GABRB1: variants seen among roughly 807,000 people sequenced by gnomAD.
GABRB1 encodes gamma-aminobutyric acid receptor subunit beta-1.
Under a neutral mutation model 51.6 loss-of-function variants are expected in GABRB1, and 17 were observed. That is an observed-to-expected ratio of 0.33 (90% CI 0.23 to 0.49). The LOEUF (loss-of-function observed/expected upper bound fraction) is 0.49, where lower values mean the gene tolerates loss of function less well. Ranked by LOEUF, GABRB1 falls within the 20% of genes least tolerant of loss-of-function variation. GABRB1 has a pLI of 0.99. For missense variants in GABRB1, 410 were observed against 600.6 expected (o/e 0.68, Z 3.32); for synonymous variants, 247 against 218.9 (o/e 1.13, Z -1.14).
chr4:47,026,148 G>A (rs1725084793), intron 1 of GABRB1, among the ~76,000 whole-genome samples: 2 of 151,798 alleles, frequency 1.3e-5, no homozygotes, highest in African/African-American at 4.8e-5. Context: ...AGACCTTAGT[G>A]TAAAAATAAA....
At chr4:47,346,268 G>A (rs561760599) in intron 5 of GABRB1, among the ~76,000 whole-genome samples, 3 of 152,078 alleles carry the variant, frequency 2.0e-5, no homozygotes, top group African/African-American at 7.2e-5. Flanking sequence ...AGATGAATAG[G>A]AGTTAATGAA....
chr4:47,170,414 C>T (rs1224052645), intron 4 of GABRB1, among the ~76,000 whole-genome samples: 3 of 151,726 alleles, frequency 2.0e-5, no homozygotes, highest in Non-Finnish European at 4.4e-5. Context: ...CACACACACA[C>T]ACACGCACAC....
At chr4:47,262,563 T>A (rs7670490) in intron 4 of GABRB1, among the ~76,000 whole-genome samples, 1 of 151,884 alleles carries the variant, frequency 6.6e-6, no homozygotes, top group South Asian at 2.1e-4. Context: ...GGAGAGGATG[T>A]GGAGAAATAG....
At chr4:47,307,877 A>G (rs1156320919) in intron 4 of GABRB1, among the ~76,000 whole-genome samples, 2 of 151,992 alleles carry the variant, frequency 1.3e-5, no homozygotes, top group African/African-American at 4.8e-5. Context: ...TTAAATCACA[A>G]AAGTACCATT....
intron 3 of GABRB1, among the ~76,000 whole-genome samples, chr4:47,055,726 C>A (rs1726566233): frequency 6.6e-6 from 1 of 152,252 alleles, no homozygotes; most frequent in African/African-American, 2.4e-5. Context: ...AGTTGTCCTT[C>A]CACTTCTACT....
intron 4 of GABRB1, among the ~76,000 whole-genome samples, chr4:47,316,000 T>C (rs1174944944): frequency 6.6e-6 from 1 of 151,232 alleles, no homozygotes; most frequent in Non-Finnish European, 1.5e-5. Context: ...GCAATTTACC[T>C]GTATAACAAA....
At chr4:47,063,431 T>A (rs1726928195) in intron 3 of GABRB1, among the ~76,000 whole-genome samples, 1 of 152,190 alleles carries the variant, frequency 6.6e-6, no homozygotes, top group African/African-American at 2.4e-5. Context: ...GCACAATGGA[T>A]GGTAGCTGTG....
intron 3 of GABRB1, among the ~76,000 whole-genome samples, chr4:47,151,670 A>G (rs1717463337): frequency 6.6e-6 from 1 of 152,046 alleles, no homozygotes; most frequent in South Asian, 2.1e-4. Flanking sequence ...ATTGAGAAAA[A>G]TGGAAACACT....
chr4:47,258,854 C>A (rs573922359), intron 4 of GABRB1, among the ~76,000 whole-genome samples: 1 of 152,192 alleles, frequency 6.6e-6, no homozygotes, highest in South Asian at 2.1e-4. Flanking sequence ...AAATTTAGAA[C>A]TCTTATCTTT....
chr4:47,238,136 A>G (rs1289248927), intron 4 of GABRB1, among the ~76,000 whole-genome samples: 2 of 152,064 alleles, frequency 1.3e-5, no homozygotes, highest in Non-Finnish European at 2.9e-5. Context: ...ATTACAGGCA[A>G]ATGGATATGC....
intron 4 of GABRB1, among the ~76,000 whole-genome samples, chr4:47,269,292 C>T (rs1360754441): frequency 2.0e-5 from 3 of 152,180 alleles, no homozygotes; most frequent in Non-Finnish European, 4.4e-5. Flanking sequence ...CCCATTGAAA[C>T]AGCACTTTTC....
intron 5 of GABRB1, among the ~76,000 whole-genome samples, chr4:47,326,357 CAAG>C (rs1725263630): frequency 6.6e-6 from 1 of 152,110 alleles, no homozygotes; most frequent in Admixed American, 6.5e-5. Context: ...TCTCACATTA[CAAG>C]AAGAAGGGTG....
upstream of GABRB1, among the ~76,000 whole-genome samples, chr4:47,028,460 A>G (rs918894460): frequency 6.6e-6 from 1 of 151,830 alleles, no homozygotes; most frequent in Non-Finnish European, 1.5e-5. Flanking sequence ...TATTTATTAG[A>G]CATTTATTTC....
At chr4:47,294,465 T>A (rs1260907620) in intron 4 of GABRB1, among the ~76,000 whole-genome samples, 1 of 152,252 alleles carries the variant, frequency 6.6e-6, no homozygotes, top group Admixed American at 6.5e-5. Flanking sequence ...AACCCGCACG[T>A]GGCTCGGAGG....
chr4:47,394,562 G>A (rs6854100), intron 5 of GABRB1, among the ~76,000 whole-genome samples: 4,027 of 152,220 alleles, frequency 0.026, 193 homozygotes, highest in African/African-American at 0.093. Flanking sequence ...TCCATGCCTA[G>A]ATAAGTCAGA....
chr4:47,387,215 A>G (rs374402216), intron 5 of GABRB1, among the ~76,000 whole-genome samples: 10 of 152,350 alleles, frequency 6.6e-5, no homozygotes, highest in African/African-American at 2.4e-4. Flanking sequence ...CTGTAATCCC[A>G]CTTTGGGAGG....
At chr4:47,244,173 T>A (rs534054518) in intron 4 of GABRB1, among the ~76,000 whole-genome samples, 156 of 152,354 alleles carry the variant, frequency 1.0e-3, no homozygotes, top group African/African-American at 3.6e-3. Context: ...TCTGTTTATA[T>A]GATGGATTAC....
At chr4:47,307,758 T>C (rs1724522387) in intron 4 of GABRB1, among the ~76,000 whole-genome samples, 1 of 151,984 alleles carries the variant, frequency 6.6e-6, no homozygotes, top group Non-Finnish European at 1.5e-5. Context: ...CATAAGTTGA[T>C]ATATTGATAT....
At chr4:47,009,457 A>G (rs1388305137) in intron 1 of GABRB1, among the ~76,000 whole-genome samples, 1 of 152,188 alleles carries the variant, frequency 6.6e-6, no homozygotes, top group East Asian at 1.9e-4. Flanking sequence ...GGTAATCAAC[A>G]CTATCTACCA....
Sources: gnomAD v4.1 joint callset for allele counts (sites outside exome capture counted in the v4.1 genomes callset) on GRCh38, gnomAD v4.1.1 for gene constraint, MANE v1.5 for transcripts, NCBI Gene and HGNC (gene_info 2026-07-23, HGNC 2026-07-21) for gene names.